The following BAIAP2 variants were observed in gnomAD, a reference collection of about 807,000 sequenced individuals.
BAIAP2 encodes the protein BAR/IMD domain containing adaptor protein 2, also known as BAR/IMD domain-containing adapter protein 2.
A neutral mutation model predicts 63.0 loss-of-function variants in BAIAP2; 18 were observed. That is an observed-to-expected ratio of 0.29 (90% CI 0.20 to 0.42). The LOEUF is 0.42. BAIAP2 is among the 10% of genes least tolerant of loss of function. BAIAP2 has a pLI of 1.00. For synonymous variants in BAIAP2, 386 were observed against 307.6 expected (o/e 1.25, Z -2.67); for missense variants, 610 against 734.3 (o/e 0.83, Z 1.96).
chr17:81,052,635 G>C (rs962517152), intron 1 of BAIAP2, among the ~76,000 whole-genome samples: 2 of 152,258 alleles, frequency 1.3e-5, no homozygotes, highest in African/African-American at 4.8e-5. Flanking sequence ...TCTGGAGGCA[G>C]GTCCCGTGGT....
intron 2 of BAIAP2, among the ~76,000 whole-genome samples, chr17:81,055,003 G>C (rs533367446): frequency 6.6e-6 from 1 of 152,166 alleles, no homozygotes; most frequent in South Asian, 2.1e-4. Context: ...ATCTTCATGG[G>C]CAGAGTCCAC....
intron 6 of BAIAP2, among the ~76,000 whole-genome samples, chr17:81,091,917 C>T (rs911119512): frequency 1.3e-4 from 20 of 151,786 alleles, no homozygotes; most frequent in African/African-American, 4.6e-4. Flanking sequence ...GCTGGTGGTG[C>T]AGCCATGTGG....
At chr17:81,063,274 T>G (rs1018253956) in intron 3 of BAIAP2, among the ~76,000 whole-genome samples, 2 of 152,164 alleles carry the variant, frequency 1.3e-5, no homozygotes, top group Non-Finnish European at 2.9e-5. Context: ...GATTCCAGGC[T>G]TGGTGCCACA....
intron 3 of BAIAP2, among the ~76,000 whole-genome samples, chr17:81,066,098 C>G (rs570867609): frequency 2.6e-5 from 4 of 152,274 alleles, no homozygotes; most frequent in African/African-American, 9.6e-5. Context: ...AACACCTGAG[C>G]CAGGCTGTTT....
intron 12 of BAIAP2, 174 bp downstream of exon 12, chr17:81,107,081 C>T: frequency 1.3e-6 from 1 of 772,402 alleles, no homozygotes; most frequent in South Asian, 2.1e-5. Flanking sequence ...CCTGCTTCGG[C>T]CTCAGGCTGC....
chr17:81,065,989 C>T (rs1260014088), intron 3 of BAIAP2, among the ~76,000 whole-genome samples: 1 of 152,264 alleles, frequency 6.6e-6, no homozygotes, highest in Non-Finnish European at 1.5e-5. Context: ...GAGAGCACTG[C>T]ACTTCCTTTG....
rs766173253 is a variant in BAIAP2 at position 81,108,592 on chromosome 17, G to C, written c.1535+83G>C. On this transcript the variant is annotated intron_variant, in intron 13 of 13. Coordinates refer to ENST00000428708, the MANE Select transcript of BAIAP2 (RefSeq NM_001144888.2). ...GGGGCAGGTCCCTCTGCTAGGACCT[G>C]GGGCCACCTCTTTTCCTTTAGGGCC... 315 of 1,551,764 alleles carry C rather than the reference G, an allele frequency of 2.0e-4. 2 individuals are homozygous for C. The highest frequency in any genetic ancestry group is 1.0e-3 in the Middle Eastern group (6 of 5,822).
intron 1 of BAIAP2, among the ~76,000 whole-genome samples, chr17:81,043,988 A>G (rs913384131): frequency 6.6e-6 from 1 of 152,364 alleles, no homozygotes; most frequent in East Asian, 1.9e-4. Context: ...TGTGGGACAG[A>G]AAGTTCTTCA....
intron 1 of BAIAP2, among the ~76,000 whole-genome samples, chr17:81,052,567 C>G (rs1445291783): frequency 1.3e-5 from 2 of 152,078 alleles, no homozygotes; most frequent in Non-Finnish European, 2.9e-5. Context: ...TTCCCAAGAA[C>G]ACACACCCTG....
chr17:81,109,057 C>A, intron 13 of BAIAP2: 1 of 1,515,954 alleles, frequency 6.6e-7, no homozygotes. Context: ...CCCCTGGTCT[C>A]GTCCGTTTTC....
Position 81,117,174 on chromosome 17 carries a change from G to GGAGGAGAGGA in BAIAP2, c.*1340_*1349dup, listed in dbSNP as rs60239429. 21 of 152,098 alleles carry GGAGGAGAGGA rather than the reference G, an allele frequency of 1.4e-4. No homozygotes were observed. The highest frequency in any genetic ancestry group is 4.4e-4 in the African/African-American group (18 of 41,314). The allele number at this position is 152,098 out of a possible 1,614,324, so 9.4% of individuals were successfully genotyped here. A position where few individuals can be genotyped will look rare whatever the true frequency, so the allele number is the denominator to read the frequency against. On this transcript the variant is annotated 3_prime_UTR_variant, in exon 14 of 14. Coordinates refer to ENST00000428708, the MANE Select transcript of BAIAP2 (RefSeq NM_001144888.2). ...CACCGGGGTGTGCCGAGGACAGTGG[G>GGAGGAGAGGA]GAGGAGAGGAGAGGGGCAGCTTCCT...
At chr17:81,109,842 A>G in intron 13 of BAIAP2, 3 of 985,274 alleles carry the variant, frequency 3.0e-6, no homozygotes, top group Non-Finnish European at 3.6e-6. Flanking sequence ...CAGCCTTGTG[A>G]GGGCATCGAT....
intron 7 of BAIAP2, among the ~76,000 whole-genome samples, chr17:81,101,628 C>T (rs986040810): frequency 1.9e-4 from 26 of 137,006 alleles, no homozygotes; most frequent in African/African-American, 6.2e-4. Flanking sequence ...TGTACGTGCG[C>T]GTGCGTGCAC....
chr17:81,104,359 T>C (rs1328540942), intron 9 of BAIAP2, among the ~76,000 whole-genome samples, 155 bp from the exon 10 acceptor site: 1 of 152,200 alleles, frequency 6.6e-6, no homozygotes, highest in Non-Finnish European at 1.5e-5. Flanking sequence ...AGCAGCCACT[T>C]GGGAGCAGGT....
intron 3 of BAIAP2, among the ~76,000 whole-genome samples, chr17:81,077,065 T>C (rs1056251152): frequency 1.3e-5 from 2 of 152,074 alleles, no homozygotes; most frequent in Admixed American, 1.3e-4. Context: ...TAGAGGGTCA[T>C]GTGTGATTGC....
At chr17:81,035,583 C>T (rs2046117840) in intron 1 of BAIAP2, among the ~76,000 whole-genome samples, 1 of 150,324 alleles carries the variant, frequency 6.7e-6, no homozygotes, top group Admixed American at 6.6e-5. Context: ...CCGGGGAGCA[C>T]TCCCCGCTCC....
intron 6 of BAIAP2, among the ~76,000 whole-genome samples, chr17:81,096,033 C>T (rs1004014674): frequency 3.3e-5 from 5 of 152,076 alleles, no homozygotes; most frequent in African/African-American, 9.7e-5. Flanking sequence ...TGGAAGGTGC[C>T]GTTCTCAGGG....
intron 1 of BAIAP2, chr17:81,036,843 C>T: frequency 6.6e-7 from 1 of 1,524,426 alleles, no homozygotes; most frequent in East Asian, 2.4e-5. Flanking sequence ...AGCTCCATTA[C>T]GACTTGTTTG....
intron 3 of BAIAP2, among the ~76,000 whole-genome samples, chr17:81,060,208 C>G (rs899150347): frequency 2.0e-5 from 3 of 152,196 alleles, no homozygotes; most frequent in Non-Finnish European, 4.4e-5. Context: ...CATACAGTTA[C>G]CCCATTAGAG....
Sources: allele counts gnomAD v4.1 joint callset (sites outside exome capture counted in the v4.1 genomes callset), GRCh38; gene constraint gnomAD v4.1.1; transcripts MANE v1.5; gene names NCBI Gene and HGNC (gene_info 2026-07-23, HGNC 2026-07-21).